VDR: variants seen among roughly 807,000 people sequenced by gnomAD.
VDR encodes vitamin D3 receptor.
In VDR, 19 loss-of-function variants were observed where a neutral mutation model predicts 39.7. The observed-to-expected ratio is 0.48, with a 90% CI of 0.33 to 0.70. VDR has a LOEUF of 0.70. Among genes scored for constraint, VDR ranks in the 30% least tolerant of loss-of-function variants. The pLI is 0.02. For synonymous variants in VDR, 242 were observed against 215.8 expected (o/e 1.12, Z -1.07); for missense variants, 442 against 570.5 (o/e 0.77, Z 2.29).
At chr12:47,859,320 G>A (rs941801792) in intron 4 of VDR, among the ~76,000 whole-genome samples, 3 of 152,096 alleles carry the variant, frequency 2.0e-5, no homozygotes, top group Non-Finnish European at 2.9e-5. Flanking sequence ...TACTTTTCTC[G>A]GCCCCTACTG....
At chr12:47,871,363 C>CTTTCTTTCTTTCCTT (rs1565622866) in intron 3 of VDR, among the ~76,000 whole-genome samples, 3 of 58,228 alleles carry the variant, frequency 5.2e-5, no homozygotes, top group African/African-American at 1.9e-4. Flanking sequence ...TCTTTCCTTT[C>CTTTCTTTCTTTCCTT]TCTCTCTCTC....
chr12:47,881,781 G>A (rs1251103698), intron 2 of VDR, among the ~76,000 whole-genome samples: 1 of 151,446 alleles, frequency 6.6e-6, no homozygotes, highest in Admixed American at 6.6e-5. Flanking sequence ...CCAAGCTGAT[G>A]CCTGCAGGTT....
At chr12:47,887,158 G>T (rs754720239) in intron 1 of VDR, among the ~76,000 whole-genome samples, 27 of 151,638 alleles carry the variant, frequency 1.8e-4, no homozygotes, top group Non-Finnish European at 3.2e-4. Context: ...CTAAAAAAAA[G>T]AAAAAATACA....
At chr12:47,889,075 A>C (rs1015352717) in intron 1 of VDR, among the ~76,000 whole-genome samples, 1 of 152,106 alleles carries the variant, frequency 6.6e-6, no homozygotes, top group African/African-American at 2.4e-5. Context: ...ATTCTAAGAA[A>C]GTCAATAAAA....
intron 1 of VDR, among the ~76,000 whole-genome samples, chr12:47,893,615 G>T (rs1946411330): frequency 6.6e-6 from 1 of 152,210 alleles, no homozygotes; most frequent in African/African-American, 2.4e-5. Flanking sequence ...GGTCAGATAT[G>T]GTTGATGGGC....
chr12:47,861,370 G>C (rs906978221), intron 4 of VDR, among the ~76,000 whole-genome samples: 2 of 152,350 alleles, frequency 1.3e-5, no homozygotes, highest in East Asian at 3.9e-4. Flanking sequence ...GGAGGTAACA[G>C]AGGAAGAAAT....
chr12:47,858,851 G>T (rs12721392), intron 4 of VDR, among the ~76,000 whole-genome samples: 1 of 152,226 alleles, frequency 6.6e-6, no homozygotes, highest in Non-Finnish European at 1.5e-5. Flanking sequence ...AGGCCCTCAG[G>T]TAGGGGGAGG....
At chr12:47,852,712 AG>A (rs1707993852) in intron 7 of VDR, among the ~76,000 whole-genome samples, 1 of 152,222 alleles carries the variant, frequency 6.6e-6, no homozygotes, top group South Asian at 2.1e-4. Flanking sequence ...CAGTTTTCTC[AG>A]GGCAGAAACA....
At chr12:47,874,724 C>T (rs1458424150) in intron 3 of VDR, among the ~76,000 whole-genome samples, 3 of 152,208 alleles carry the variant, frequency 2.0e-5, no homozygotes, top group Non-Finnish European at 2.9e-5. Flanking sequence ...TTAAACCTCA[C>T]CATCCACCTT....
At chr12:47,882,533 G>A in intron 2 of VDR, 161 bp downstream of exon 2, 3 of 635,456 alleles carry the variant, frequency 4.7e-6, no homozygotes, top group Non-Finnish European at 8.2e-6. Context: ...ACACACTCAT[G>A]CATCTCAGTT....
At chr12:47,848,001 G>A (rs970955125) in intron 7 of VDR, among the ~76,000 whole-genome samples, 1 of 152,100 alleles carries the variant, frequency 6.6e-6, no homozygotes, top group African/African-American at 2.4e-5. Context: ...CCAGGTTCAC[G>A]CCATTCTCCT....
chr12:47,842,333 C>G lies in VDR; in HGVS notation c.*2413G>C, dbSNP rs886049414. 8 of 152,382 alleles carry G rather than the reference C, an allele frequency of 5.2e-5. No individual in the cohort carries two copies. The highest frequency in any genetic ancestry group is 1.9e-4 in the African/African-American group (8 of 41,462). The allele number at this position is 152,382 out of a possible 1,614,324, so 9.4% of individuals were successfully genotyped here. On this transcript the variant is annotated 3_prime_UTR_variant, in exon 10 of 10. Coordinates refer to ENST00000549336, the MANE Select transcript of VDR (RefSeq NM_000376.3). ...GGAAGGAAAGGGTCCCAGATCCAGA[C>G]TTGCTCTTTCTGAAATCCAGGGCTT...
At chr12:47,867,814 TA>T (rs1427865795) in intron 3 of VDR, among the ~76,000 whole-genome samples, 2 of 152,170 alleles carry the variant, frequency 1.3e-5, no homozygotes, top group African/African-American at 4.8e-5. Flanking sequence ...GGATTCTTGG[TA>T]AAACATGACT....
chr12:47,871,982 C>G (rs1218644728), intron 3 of VDR, among the ~76,000 whole-genome samples: 2 of 152,258 alleles, frequency 1.3e-5, no homozygotes, highest in African/African-American at 4.8e-5. Flanking sequence ...GAGCTGGCAA[C>G]AGTGACAGCT....
intron 6 of VDR, among the ~76,000 whole-genome samples, chr12:47,856,815 G>A (rs576995375): frequency 1.5e-4 from 23 of 152,010 alleles, no homozygotes; most frequent in Non-Finnish European, 2.1e-4. Context: ...AAAATATCAC[G>A]TAAAGGAAGC....
At chr12:47,861,960 A>G (rs1168883904) in intron 4 of VDR, among the ~76,000 whole-genome samples, 2 of 152,254 alleles carry the variant, frequency 1.3e-5, no homozygotes, top group African/African-American at 4.8e-5. Context: ...GGAGAATCTT[A>G]CTGATCTATA....
At chr12:47,889,452 G>T (rs566724934) in intron 1 of VDR, among the ~76,000 whole-genome samples, 1 of 152,132 alleles carries the variant, frequency 6.6e-6, no homozygotes, top group Non-Finnish European at 1.5e-5. Flanking sequence ...ATGTTGCTAG[G>T]ATCACCCACA....
intron 7 of VDR, among the ~76,000 whole-genome samples, chr12:47,854,205 T>C (rs1945440059): frequency 6.6e-6 from 1 of 152,180 alleles, no homozygotes; most frequent in Non-Finnish European, 1.5e-5. Flanking sequence ...CACTGTAGCC[T>C]TGACCTCCTG....
At chr12:47,898,482 G>A (rs532813133) in intron 1 of VDR, 4 of 152,442 alleles carry the variant, frequency 2.6e-5, no homozygotes, top group African/African-American at 9.6e-5. Context: ...GAATTCCATG[G>A]GAGGCAGCAA....
Sources: allele counts gnomAD v4.1 joint callset (sites outside exome capture counted in the v4.1 genomes callset), GRCh38; gene constraint gnomAD v4.1.1; transcripts MANE v1.5; gene names NCBI Gene and HGNC (gene_info 2026-07-23, HGNC 2026-07-21).